Variants in CCDC88C observed in about 807,000 individuals in gnomAD.
CCDC88C encodes protein Daple.
CCDC88C carries 131 observed loss-of-function variants against 198.8 expected under a neutral mutation model. That is an observed-to-expected ratio of 0.66 (90% CI 0.57 to 0.76). The LOEUF is 0.76. Among genes scored for constraint, CCDC88C ranks in the 30% least tolerant of loss-of-function variants. The pLI is 0.00. For missense variants in CCDC88C, 2,553 were observed against 2,631.6 expected, an observed-to-expected ratio of 0.97 and a Z score of 0.65; for synonymous variants, 1,166 against 1,114.7, an observed-to-expected ratio of 1.05 and a Z score of -0.92.
At chr14:91,328,981 G>A (rs768617504) in intron 10 of CCDC88C, among the ~76,000 whole-genome samples, 6 of 152,210 alleles carry the variant, frequency 3.9e-5, no homozygotes, top group Admixed American at 1.3e-4. Flanking sequence ...CCACGATGCC[G>A]TATGGTTCCC....
intron 24 of CCDC88C, among the ~76,000 whole-genome samples, chr14:91,290,164 C>G (rs1336494288): frequency 1.3e-5 from 2 of 152,146 alleles, no homozygotes; most frequent in East Asian, 3.8e-4. Context: ...CCCAGCTACT[C>G]GGGAGGGTGA....
At chr14:91,386,289 CA>C (rs1239070390) in intron 3 of CCDC88C, among the ~76,000 whole-genome samples, 41 of 106,892 alleles carry the variant, frequency 3.8e-4, no homozygotes, top group Non-Finnish European at 4.4e-4. Flanking sequence ...ACTAAAAATA[CA>C]AAAAAAAAAA....
At chr14:91,387,087 C>T (rs563162530) in intron 3 of CCDC88C, among the ~76,000 whole-genome samples, 5 of 152,348 alleles carry the variant, frequency 3.3e-5, no homozygotes, top group East Asian at 1.9e-4. Context: ...TGCAGAGTGA[C>T]TCGCCCAAAG....
intron 3 of CCDC88C, among the ~76,000 whole-genome samples, chr14:91,393,280 A>G (rs1392407991): frequency 6.6e-6 from 1 of 152,150 alleles, no homozygotes. Flanking sequence ...GAGCTGGGAG[A>G]TGACAGGTCC....
intron 29 of CCDC88C, among the ~76,000 whole-genome samples, chr14:91,277,062 C>T (rs962882862): frequency 2.6e-5 from 4 of 152,202 alleles, no homozygotes; most frequent in African/African-American, 4.8e-5. Flanking sequence ...CTCCGCCTCC[C>T]GGTTTCAAAT....
intron 25 of CCDC88C, among the ~76,000 whole-genome samples, chr14:91,287,650 T>TG (rs1424013465): frequency 6.8e-6 from 1 of 147,432 alleles, no homozygotes; most frequent in African/African-American, 2.5e-5. Context: ...TTTTTTTTTT[T>TG]TTTTTTTTTT....
chr14:91,358,560 G>A (rs1157302699), intron 4 of CCDC88C, among the ~76,000 whole-genome samples: 1 of 152,238 alleles, frequency 6.6e-6, no homozygotes, highest in Non-Finnish European at 1.5e-5. Flanking sequence ...AGGTGAAAGG[G>A]ACGCAAGGCA....
At chr14:91,366,042 T>G (rs891865413) in intron 3 of CCDC88C, among the ~76,000 whole-genome samples, 5 of 152,160 alleles carry the variant, frequency 3.3e-5, no homozygotes, top group African/African-American at 9.7e-5. Context: ...AGAGCAAGTT[T>G]CCCCAGCATT....
At chr14:91,383,315 G>T (rs1884919787) in intron 3 of CCDC88C, among the ~76,000 whole-genome samples, 1 of 152,242 alleles carries the variant, frequency 6.6e-6, no homozygotes, top group South Asian at 2.1e-4. Flanking sequence ...TGGCCATGCT[G>T]CCGTGGGGGG....
intron 15 of CCDC88C, among the ~76,000 whole-genome samples, 199 bp downstream of exon 15, chr14:91,312,881 G>A (rs1891898988): frequency 6.6e-6 from 1 of 152,218 alleles, no homozygotes; most frequent in Non-Finnish European, 1.5e-5. Flanking sequence ...CTCAAACTAT[G>A]AGAAGCGTTA....
chr14:91,326,028 A>T lies in CCDC88C; in HGVS notation c.1079T>A (p.Ile360Asn), dbSNP rs1455940474. ...TTCCTCCAGCATGGCCTTGGTTTCAATTAAAATGATATTATCTTCTCTCAG... is the reference window on the plus strand; with the variant it reads ...TTCCTCCAGCATGGCCTTGGTTTCATTTAAAATGATATTATCTTCTCTCAG... ...EELREDNIILIETKAMLEEQL... is the reference protein window; with the variant it reads ...EELREDNIILNETKAMLEEQL... Residue 360 changes from isoleucine to asparagine, a missense_variant, in exon 11 of 30, where the codon ATT becomes AAT. Ile to Asn is a moderately radical substitution (Grantham distance 149, BLOSUM62 -3). Transcript: ENST00000389857. 1 of 1,608,630 alleles carries T rather than the reference A, an allele frequency of 6.2e-7. No individual in the cohort carries two copies. Among genetic ancestry groups the T allele is most frequent in the East Asian group, 2.2e-5 (1 of 44,756 alleles).
At chr14:91,293,553 C>CTCGCCCGCCACAGCTCACCTTCCCAT (rs1567055867) in intron 23 of CCDC88C, among the ~76,000 whole-genome samples, 1 of 50,204 alleles carries the variant, frequency 2.0e-5, no homozygotes, top group Admixed American at 2.0e-4. Flanking sequence ...CCTTCCTGTC[C>CTCGCCCGCCACAGCTCACCTTCCCAT]CCTCGCCTGC....
In CCDC88C at chr14:91,338,911, GCT is replaced by G; in HGVS notation, c.810-343_810-342del. 1 of 475,294 alleles carries G rather than the reference GCT, an allele frequency of 2.1e-6. No individual in the cohort carries two copies. The allele number at this position is 475,294 out of a possible 1,614,324, so 29.4% of individuals were successfully genotyped here. On this transcript the variant is annotated intron_variant, in intron 8 of 29. Transcript: ENST00000389857. The surrounding 1 kb of genome is among the most constrained non-coding windows in gnomAD (Gnocchi z 4.8). ...AGCTGCAGGAAACCTGGGAGAACAG[GCT>G]CACCAGATTGGAGGGAAGGAGGGGC...
chr14:91,417,717 G>T lies in CCDC88C; in HGVS notation c.-27C>A, dbSNP rs2475051. 61 of 1,474,822 alleles carry T rather than the reference G, an allele frequency of 4.1e-5. 2 individuals are homozygous for T. The highest frequency in any genetic ancestry group is 3.4e-4 in the Admixed American group (15 of 44,550). The allele number at this position is 1,474,822 out of a possible 1,614,324, so 91.4% of individuals were successfully genotyped here. A position where few individuals can be genotyped will look rare whatever the true frequency, so the allele number is the denominator to read the frequency against. On this transcript the variant is annotated 5_prime_UTR_variant, in exon 1 of 30. Transcript: ENST00000389857. ...CTGAGGCTGCGCCCGCCGGCTCCGC[G>T]CCCCCCGCCCCGCGTCCCCGTTCCC...
At position 91,371,398 on chromosome 14, in the gene CCDC88C, C is replaced by T. The variant is rs534011767; in HGVS notation, c.271-11687G>A. Among the ~76,000 whole-genome samples, 5 of 152,118 alleles carry T rather than the reference C, an allele frequency of 3.3e-5. No homozygotes were observed. Among genetic ancestry groups the T allele is most frequent in the African/African-American group, 7.2e-5 (3 of 41,476 alleles). Reference sequence around the variant, plus strand: ...AGGGTGGGCTGGGACAGGCATGACCCCCCCAGCCAGAATGAGTGTAGTGGT... The same window carrying T: ...AGGGTGGGCTGGGACAGGCATGACCTCCCCAGCCAGAATGAGTGTAGTGGT... On this transcript the variant is annotated intron_variant, in intron 3 of 29. Transcript: ENST00000389857. The surrounding 1 kb of genome is among the most constrained non-coding windows in gnomAD (Gnocchi z 4.2).
intron 2 of CCDC88C, among the ~76,000 whole-genome samples, chr14:91,411,463 A>G (rs941091247): frequency 5.3e-5 from 8 of 152,154 alleles, no homozygotes; most frequent in Non-Finnish European, 7.3e-5. Context: ...CCGCTAAACA[A>G]CTGCACTTCC....
intron 3 of CCDC88C, 28 bp downstream of exon 3, chr14:91,408,631 G>A: frequency 1.4e-6 from 2 of 1,398,858 alleles, no homozygotes; most frequent in Non-Finnish European, 2.0e-6. Context: ...ACACACATCA[G>A]AATTCCCGAC....
chr14:91,289,624 CTTAA>C (rs1181586832), intron 24 of CCDC88C, among the ~76,000 whole-genome samples: 2 of 152,144 alleles, frequency 1.3e-5, no homozygotes, highest in Non-Finnish European at 2.9e-5. Flanking sequence ...TGATGCCGTG[CTTAA>C]TTTAGTTGGC....
At chr14:91,277,766 T>G (rs1284397868) in intron 29 of CCDC88C, among the ~76,000 whole-genome samples, 156 bp downstream of exon 29, 1 of 152,194 alleles carries the variant, frequency 6.6e-6, no homozygotes, top group Non-Finnish European at 1.5e-5. Flanking sequence ...TTGCGGTGAC[T>G]TGTCAGCTAG....
Sources: gnomAD v4.1 joint callset for allele counts (sites outside exome capture counted in the v4.1 genomes callset) on GRCh38, gnomAD v4.1.1 for gene constraint, Gnocchi (gnomAD v3.1) non-coding constraint, MANE v1.5 for transcripts, NCBI Gene and HGNC (gene_info 2026-07-23, HGNC 2026-07-21) for gene names.